Variants in PIGQ observed in about 807,000 individuals in gnomAD.
PIGQ encodes phosphatidylinositol glycan anchor biosynthesis class Q.
A neutral mutation model predicts 60.3 loss-of-function variants in PIGQ; 54 were observed. The observed-to-expected ratio is 0.90, with a 90% CI of 0.72 to 1.12. The LOEUF is 1.12. Ranked by LOEUF, PIGQ falls within the 50% of genes most tolerant of loss-of-function variation. PIGQ has a pLI of 0.00. For missense variants in PIGQ, 799 were observed against 793.5 expected (o/e 1.01, Z -0.08); for synonymous variants, 416 against 363.7 (o/e 1.14, Z -1.64).
rs2035762252 is a variant in PIGQ at position 578,778 on chromosome 16, C to T, written c.1070-7C>T. Reference sequence around the variant, plus strand: ...GCGCCTCCTGAGGGCCTACCCCACCCTGCCAGGCTACATCCACCTCATGTC... The same window carrying T: ...GCGCCTCCTGAGGGCCTACCCCACCTTGCCAGGCTACATCCACCTCATGTC... On this transcript the variant is annotated splice_polypyrimidine_tract_variant and splice_region_variant and intron_variant, in intron 5 of 10. Transcript: ENST00000321878. 1 of 1,612,288 alleles carries T rather than the reference C, an allele frequency of 6.2e-7. No individual in the cohort carries two copies. Among genetic ancestry groups the T allele is most frequent in the African/African-American group, 1.3e-5 (1 of 74,942 alleles).
rs1175924001 is a variant in PIGQ at position 575,821 on chromosome 16, C to A, written c.690-18C>A. 3.2e-6 allele frequency: 5 copies of A among 1,553,428 alleles called. No individual in the cohort carries two copies. In the Admixed American group the frequency reaches 9.6e-5, roughly 30 times the overall value. ...GGATCTGGAGAGGGACACATCACTCCTCTCCACTCCCACGCAGAGTGTTCA... is the reference window on the plus strand; with the variant it reads ...GGATCTGGAGAGGGACACATCACTCATCTCCACTCCCACGCAGAGTGTTCA... On this transcript the variant is annotated intron_variant, in intron 2 of 10. Transcript: ENST00000321878.
At chr16:578,647 G>A in intron 5 of PIGQ, 138 bp from the exon 6 acceptor site, 3 of 1,404,176 alleles carry the variant, frequency 2.1e-6, no homozygotes, top group South Asian at 2.6e-5. Context: ...TCAGCTGAGG[G>A]CTGGGGCCTG....
At chr16:571,258 C>CTG (rs3074441) in intron 1 of PIGQ, among the ~76,000 whole-genome samples, 1 of 45,862 alleles carries the variant, frequency 2.2e-5, no homozygotes, top group Non-Finnish European at 3.9e-5. Context: ...TCTGGCTAGC[C>CTG]TGTGTGTGTG....
chr16:571,841 C>T (rs1310053741), intron 1 of PIGQ, among the ~76,000 whole-genome samples: 1 of 151,502 alleles, frequency 6.6e-6, no homozygotes, highest in Non-Finnish European at 1.5e-5. Context: ...TCTCACTACT[C>T]GACAGAGAAG....
At chr16:580,780 G>A (rs1281823224) in intron 8 of PIGQ, 78 bp from the exon 9 acceptor site, 7 of 766,364 alleles carry the variant, frequency 9.1e-6, no homozygotes, top group African/African-American at 3.4e-5. Context: ...CCCCTTCATC[G>A]TGGCCCAGGA....
chr16:571,081 G>GCCTAGCC (rs1408365646), intron 1 of PIGQ, among the ~76,000 whole-genome samples: 5 of 21,074 alleles, frequency 2.4e-4, no homozygotes, highest in Non-Finnish European at 2.5e-4. Context: ...GTGTGTGTGT[G>GCCTAGCC]TGTGTGTGTG....
intron 10 of PIGQ, 91 bp from the exon 11 acceptor site, chr16:582,792 C>A: frequency 7.5e-7 from 1 of 1,336,656 alleles, no homozygotes; most frequent in South Asian, 1.3e-5. Context: ...ACAGCACTGG[C>A]CCTGCCTCAC....
At chr16:582,646 A>T (rs1269017387) in intron 10 of PIGQ, 4 of 592,770 alleles carry the variant, frequency 6.7e-6, no homozygotes, top group African/African-American at 3.7e-5. Context: ...TCCCTGTGGC[A>T]CGGCCCCTCA....
rs745947687 is a variant in PIGQ, at chr16:578,517, G to T, written c.1069+12G>T. 6.2e-7 allele frequency: 1 copy of T among 1,608,864 alleles called. No individual in the cohort carries two copies. Among genetic ancestry groups the T allele is most frequent in the Non-Finnish European group, 8.5e-7 (1 of 1,177,676 alleles). ...CCACCTGTGGATCAGTGAGTGCAGG[G>T]CAGGCGGGGGCCCCAGGGACCCCAG... On this transcript the variant is annotated intron_variant, in intron 5 of 10. Transcript: ENST00000321878.
At position 579,447 on chromosome 16, in the gene PIGQ, AGAGACTAGAGATGCCCCGGGCCCG is replaced by A. The variant is rs1360173278; in HGVS notation, c.1335+278_1335+301del. 1,727 of 271,130 alleles carry A rather than the reference AGAGACTAGAGATGCCCCGGGCCCG, an allele frequency of 6.4e-3. 113 individuals are homozygous for A. Among genetic ancestry groups the A allele is most frequent in the African/African-American group, 0.014 (482 of 33,834 alleles). The allele number at this position is 271,130 out of a possible 1,614,324, so 16.8% of individuals were successfully genotyped here. A position where few individuals can be genotyped will look rare whatever the true frequency, so the allele number is the denominator to read the frequency against. On this transcript the variant is annotated intron_variant, in intron 7 of 10. Coordinates refer to ENST00000321878, the MANE Select transcript of PIGQ (RefSeq NM_004204.5). ...CAGGCCCTAGAGGTGCCCCGGGCCC[AGAGACTAGAGATGCCCCGGGCCCG>A]GAGACTAGAGGTGCCCCGGGCCCGG...
rs565543546 is a variant in PIGQ at position 582,165 on chromosome 16, G to C, written c.1532-83G>C. The C allele has an allele frequency of 1.1e-5, 11 of 1,020,312 alleles. No homozygotes were observed. The East Asian group carries it at 2.6e-4, about 24-fold the overall frequency. The allele number at this position is 1,020,312 out of a possible 1,614,324, so 63.2% of individuals were successfully genotyped here. On this transcript the variant is annotated intron_variant, in intron 9 of 10. Transcript: ENST00000321878. The stretch of plus-strand genomic sequence containing the variant: ...GCCAGCAGCACCCGGGTGCCCCTCA[G>C]AGAGGAAGGTACCTGCAGCCTCTGC...
intron 2 of PIGQ, 46 bp downstream of exon 2, chr16:574,809 A>G: frequency 7.2e-7 from 1 of 1,383,158 alleles, no homozygotes; most frequent in Non-Finnish European, 9.7e-7. Context: ...GGGTCCCATG[A>G]GTGCTGGCCC....
chr16:581,925 G>A (rs1457803101), intron 9 of PIGQ: 14 of 375,712 alleles, frequency 3.7e-5, no homozygotes, highest in Non-Finnish European at 6.1e-5. Flanking sequence ...CATCACACCC[G>A]GCTAATTTTT....
Position 583,735 on chromosome 16 carries a change from C to A in PIGQ, c.*700C>A. The A allele has an allele frequency of 7.4e-7, 1 of 1,354,306 alleles. No individual in the cohort carries two copies. Among genetic ancestry groups the A allele is most frequent in the Non-Finnish European group, 1.0e-6 (1 of 957,352 alleles). 83.9% of individuals were successfully genotyped at this position (1,354,306 alleles called of 1,614,324 possible). A position where few individuals can be genotyped will look rare whatever the true frequency, so the allele number is the denominator to read the frequency against. Reference sequence around the variant, plus strand: ...CACTGACCCAGCCGTACCTATTCGTCCACGGTGCCCCGTAGCAGCAGGTCC... The same window carrying A: ...CACTGACCCAGCCGTACCTATTCGTACACGGTGCCCCGTAGCAGCAGGTCC... On this transcript the variant is annotated 3_prime_UTR_variant, in exon 11 of 11. Coordinates refer to ENST00000321878, the MANE Select transcript of PIGQ (RefSeq NM_004204.5).
At chr16:575,814 A>G (rs1252264667) in intron 2 of PIGQ, 25 bp from the exon 3 acceptor site, 2 of 1,550,246 alleles carry the variant, frequency 1.3e-6, no homozygotes, top group South Asian at 2.4e-5. Flanking sequence ...AGAGGGACAC[A>G]TCACTCCTCT....
chr16:578,064 G>A (rs987266833), intron 4 of PIGQ: 2 of 288,878 alleles, frequency 6.9e-6, no homozygotes, highest in Non-Finnish European at 1.3e-5. Flanking sequence ...GAGGGCTCCA[G>A]TGGGTCCTGT....
intron 8 of PIGQ, 61 bp from the exon 9 acceptor site, chr16:580,797 C>T (rs573925994): frequency 6.2e-5 from 50 of 804,584 alleles, no homozygotes; most frequent in Non-Finnish European, 8.1e-5. Flanking sequence ...AGGATGGGGT[C>T]GGACTGCTCT....
In PIGQ at chr16:574,190, C is replaced by T. The variant is rs775882605; in HGVS notation, c.116C>T (p.Pro39Leu). 3 of 1,612,550 alleles carry T rather than the reference C, an allele frequency of 1.9e-6. No individual in the cohort carries two copies. The highest frequency in any genetic ancestry group is 1.3e-5 in the African/African-American group (1 of 74,924). The change falls in exon 2 of 11, where the codon CCC (proline) becomes CTC (leucine). Residue 39 changes from proline (P) to leucine (L), a missense_variant. By Grantham distance (98) the Pro-to-Leu change is moderately conservative (BLOSUM62 -3). Transcript: ENST00000321878. ...GTGGTCCTGGCGGTCCTGCACTTTC[C>T]CTTCATCCCCATCCAGGTCAAGCAG... ...SAVVLAVLHF[P>L]FIPIQVKQLL... is the part of the protein sequence containing the mutation.
At chr16:571,804 G>C (rs1000457863) in intron 1 of PIGQ, among the ~76,000 whole-genome samples, 1 of 152,024 alleles carries the variant, frequency 6.6e-6, no homozygotes, top group Non-Finnish European at 1.5e-5. Flanking sequence ...TGTGATGGGC[G>C]TTTGCCCCAC....
Sources: allele counts gnomAD v4.1 joint callset (sites outside exome capture counted in the v4.1 genomes callset), GRCh38; gene constraint gnomAD v4.1.1; transcripts MANE v1.5; gene names NCBI Gene and HGNC (gene_info 2026-07-23, HGNC 2026-07-21).